TPTE: variants seen among roughly 807,000 people sequenced by gnomAD.
The protein encoded by TPTE is putative tyrosine-protein phosphatase TPTE.
TPTE carries 59 observed loss-of-function variants against 84.1 expected under a neutral mutation model. The observed-to-expected ratio is 0.70, with a 90% CI of 0.57 to 0.87. The LOEUF (loss-of-function observed/expected upper bound fraction) is 0.87, where lower values mean the gene tolerates loss of function less well. Ranked by LOEUF, TPTE falls within the 40% of genes least tolerant of loss-of-function variation. The probability of loss-of-function intolerance (pLI) is 0.00; values close to 1 mark genes in which losing one functional copy is unlikely to be tolerated. For synonymous variants in TPTE, 130 were observed against 223.5 expected (o/e 0.58, Z 3.73); for missense variants, 382 against 659.6 (o/e 0.58, Z 4.61).
intron 7 of TPTE, among the ~76,000 whole-genome samples, chr21:10,545,075 A>C (rs1439976392): frequency 6.6e-6 from 1 of 152,308 alleles, no homozygotes; most frequent in East Asian, 1.9e-4. Flanking sequence ...TTGTGTCAGA[A>C]AATTAAGTCT....
intron 7 of TPTE, among the ~76,000 whole-genome samples, chr21:10,544,619 C>T (rs2074431872): frequency 3.3e-5 from 5 of 152,422 alleles, no homozygotes; most frequent in Admixed American, 1.3e-4. Flanking sequence ...CTCCTGCCCT[C>T]GTGATCCACC....
At chr21:10,577,541 T>C (rs1214533046) in intron 15 of TPTE, 21 bp downstream of exon 15, 1 of 1,613,948 alleles carries the variant, frequency 6.2e-7, no homozygotes, top group Admixed American at 1.7e-5. Context: ...TACTCTATAT[T>C]GTGCTACTGT....
intron 7 of TPTE, among the ~76,000 whole-genome samples, chr21:10,548,278 G>C (rs1360887618): frequency 2.6e-5 from 4 of 152,306 alleles, no homozygotes; most frequent in Non-Finnish European, 5.9e-5. Context: ...ACCCCACACA[G>C]AAACACTCCC....
intron 10 of TPTE, among the ~76,000 whole-genome samples, chr21:10,562,151 A>G (rs923705104): frequency 2.0e-5 from 3 of 152,304 alleles, no homozygotes; most frequent in African/African-American, 4.8e-5. Flanking sequence ...CAGTACCACT[A>G]TGAGTCTGCA....
At chr21:10,571,115 C>G (rs1431249146) in intron 14 of TPTE, among the ~76,000 whole-genome samples, 1 of 152,312 alleles carries the variant, frequency 6.6e-6, no homozygotes, top group East Asian at 1.9e-4. Context: ...ACTAGCAAAG[C>G]CACTGCAGCT....
intron 10 of TPTE, among the ~76,000 whole-genome samples, chr21:10,564,226 T>G (rs542971733): frequency 6.6e-6 from 1 of 152,298 alleles, no homozygotes; most frequent in South Asian, 2.1e-4. Flanking sequence ...AAGACACATG[T>G]AGGCTGGAAG....
intron 14 of TPTE, among the ~76,000 whole-genome samples, chr21:10,571,502 A>T (rs1433442342): frequency 6.6e-6 from 1 of 152,310 alleles, no homozygotes; most frequent in East Asian, 1.9e-4. Flanking sequence ...CCCCATTAAC[A>T]GACCCTAAAT....
At chr21:10,546,015 G>C (rs747355489) in intron 7 of TPTE, among the ~76,000 whole-genome samples, 13 of 152,290 alleles carry the variant, frequency 8.5e-5, no homozygotes, top group Non-Finnish European at 1.8e-4. Flanking sequence ...GTGTGTATAT[G>C]CAGGTATATC....
intron 14 of TPTE, among the ~76,000 whole-genome samples, chr21:10,577,030 T>C (rs76696664): frequency 3.3e-5 from 5 of 152,274 alleles, no homozygotes; most frequent in African/African-American, 1.2e-4. Context: ...TATATGCTTT[T>C]TGCATTTGTT....
At chr21:10,572,221 G>A (rs1236159560) in intron 14 of TPTE, among the ~76,000 whole-genome samples, 10 of 152,248 alleles carry the variant, frequency 6.6e-5, no homozygotes, top group South Asian at 2.1e-4. Context: ...AGGCTGAGGC[G>A]GGTGGATCAC....
intron 3 of TPTE, among the ~76,000 whole-genome samples, chr21:10,532,964 C>T (rs1388339871): frequency 6.6e-6 from 1 of 152,302 alleles, no homozygotes; most frequent in African/African-American, 2.4e-5. Context: ...CTCTTTGTCT[C>T]CATTAGATAC....
At chr21:10,562,778 T>C (rs1032603243) in intron 10 of TPTE, among the ~76,000 whole-genome samples, 3 of 152,424 alleles carry the variant, frequency 2.0e-5, no homozygotes, top group African/African-American at 7.2e-5. Flanking sequence ...GAAAATAGCC[T>C]CAAAAGGACA....
chr21:10,545,977 C>T (rs1373547726), intron 7 of TPTE, among the ~76,000 whole-genome samples: 1 of 152,164 alleles, frequency 6.6e-6, no homozygotes, highest in African/African-American at 2.4e-5. Context: ...TATATATACA[C>T]ATATATAGTT....
chr21:10,596,916 A>G (rs886815797), intron 20 of TPTE, among the ~76,000 whole-genome samples: 2 of 152,310 alleles, frequency 1.3e-5, no homozygotes, highest in African/African-American at 4.8e-5. Context: ...CTGAGGCAAG[A>G]AACTGTGATT....
intron 6 of TPTE, among the ~76,000 whole-genome samples, chr21:10,543,014 CTTTTTTTTTTTTTTTTT>C (rs1051322060): frequency 2.8e-5 from 2 of 72,276 alleles, no homozygotes; most frequent in South Asian, 5.5e-4. Context: ...TGACTGTATT[CTTTTTTTTTTTTTTTTT>C]TTTTTTTTTG....
At chr21:10,547,073 G>T (rs539814576) in intron 7 of TPTE, among the ~76,000 whole-genome samples, 165 of 152,376 alleles carry the variant, frequency 1.1e-3, no homozygotes, top group African/African-American at 3.8e-3. Flanking sequence ...TCAAAGCACA[G>T]GCCAATTCTC....
At chr21:10,547,364 G>T (rs1487360848) in intron 7 of TPTE, among the ~76,000 whole-genome samples, 1 of 152,306 alleles carries the variant, frequency 6.6e-6, no homozygotes, top group African/African-American at 2.4e-5. Flanking sequence ...AGCCTGTGCA[G>T]CCCCTTCTGC....
intron 17 of TPTE, among the ~76,000 whole-genome samples, chr21:10,584,134 T>A (rs905455912): frequency 2.0e-5 from 3 of 152,306 alleles, no homozygotes; most frequent in African/African-American, 4.8e-5. Context: ...TTTAGTTAGG[T>A]CCTCTTCAAT....
chr21:10,531,001 T>C (rs937574107), intron 3 of TPTE, among the ~76,000 whole-genome samples: 1 of 152,310 alleles, frequency 6.6e-6, no homozygotes, highest in African/African-American at 2.4e-5. Context: ...CCACTAGTGT[T>C]CCTATCTTTG....
Sources: gnomAD v4.1 joint callset for allele counts (sites outside exome capture counted in the v4.1 genomes callset) on GRCh38, gnomAD v4.1.1 for gene constraint, MANE v1.5 for transcripts, NCBI Gene and HGNC (gene_info 2026-07-23, HGNC 2026-07-21) for gene names.